Variants in SHQ1 observed in about 807,000 individuals in gnomAD.
The protein encoded by SHQ1 is protein SHQ1 homolog.
A neutral mutation model predicts 53.8 loss-of-function variants in SHQ1; 49 were observed. That is an observed-to-expected ratio of 0.91 (90% CI 0.72 to 1.16). The LOEUF is 1.16. Ranked by LOEUF, SHQ1 falls within the 50% of genes most tolerant of loss-of-function variation. The pLI is 0.00. For synonymous variants in SHQ1, 243 were observed against 251.0 expected, an observed-to-expected ratio of 0.97 and a Z score of 0.30; for missense variants, 738 against 683.1, an observed-to-expected ratio of 1.08 and a Z score of -0.90.
At chr3:72,752,290 C>G (rs1679357831) in intron 10 of SHQ1, among the ~76,000 whole-genome samples, 1 of 152,086 alleles carries the variant, frequency 6.6e-6, no homozygotes, top group Non-Finnish European at 1.5e-5. Flanking sequence ...TTGTATACTT[C>G]TTAATAAACT....
intron 10 of SHQ1, among the ~76,000 whole-genome samples, chr3:72,772,186 T>A (rs1705868912): frequency 6.8e-6 from 1 of 147,402 alleles, no homozygotes. Flanking sequence ...AAGCAAAATG[T>A]AACAAATATG....
chr3:72,848,241 C>T lies in SHQ1; in HGVS notation c.100G>A (p.Glu34Lys). The T allele has an allele frequency of 1.2e-6, 2 of 1,614,182 alleles. No individual in the cohort carries two copies. Among genetic ancestry groups the T allele is most frequent in the Non-Finnish European group, 1.7e-6 (2 of 1,180,030 alleles). The change falls in exon 1 of 11, where the codon GAG becomes AAG. Residue 34 changes from glutamate (E) to lysine (K), a missense_variant. By Grantham distance (56) the Glu-to-Lys change is moderately conservative. Transcript: ENST00000325599. ...GCGTAGAACTTGAAGTCAGACCCCT[C>T]GAAGTAGACGTCGAACTCGGAGACC... ...ARVSEFDVYFEGSDFKFYAKP... is the reference protein window; with the variant it reads ...ARVSEFDVYFKGSDFKFYAKP...
At chr3:72,842,148 T>C (rs545439548) in intron 3 of SHQ1, 132 bp downstream of exon 3, 1 of 948,562 alleles carries the variant, frequency 1.1e-6, no homozygotes, top group South Asian at 2.1e-5. Flanking sequence ...TTCATATGGT[T>C]TCACATGATC....
chr3:72,815,629 A>G (rs1033570763), intron 7 of SHQ1, among the ~76,000 whole-genome samples: 1 of 152,210 alleles, frequency 6.6e-6, no homozygotes, highest in Admixed American at 6.5e-5. Context: ...TTTTCTACTG[A>G]TAAGAGTACC....
chr3:72,847,206 C>A (rs1045111398), intron 1 of SHQ1, among the ~76,000 whole-genome samples: 1 of 152,056 alleles, frequency 6.6e-6, no homozygotes, highest in Non-Finnish European at 1.5e-5. Context: ...CAAATACGGA[C>A]GTTATATGGT....
Position 72,832,474 on chromosome 3 carries a change from A to G in SHQ1, c.494T>C (p.Leu165Pro). 6.2e-7 allele frequency: 1 copy of G among 1,606,112 alleles called. No homozygotes were observed. The highest frequency in any genetic ancestry group is 8.5e-7 in the Non-Finnish European group (1 of 1,176,284). The change falls in exon 5 of 11, where the codon CTG (leucine) becomes CCG (proline). Residue 165 changes from leucine (L) to proline (P), a missense_variant. By Grantham distance (98) the Leu-to-Pro change is moderately conservative. Coordinates refer to ENST00000325599, the MANE Select transcript of SHQ1 (RefSeq NM_018130.3). The part of the protein sequence containing the change: ...SGVLQRLQDE[L>P]SDVIDIKDPD... The stretch of plus-strand genomic sequence containing the variant: ...ATCCTTAATATCAATAACATCACTC[A>G]GTTCATCCTGAGGACACCCAGAAAA...
intron 9 of SHQ1, among the ~76,000 whole-genome samples, chr3:72,798,085 T>C (rs1283540881): frequency 6.6e-6 from 1 of 152,028 alleles, no homozygotes; most frequent in Non-Finnish European, 1.5e-5. Flanking sequence ...TCATACACGA[T>C]ATGGGCATAA....
rs1277810199 is a variant in SHQ1 at position 72,841,211 on chromosome 3, A to C, written c.332-12T>G. On this transcript the variant is annotated splice_polypyrimidine_tract_variant and intron_variant, in intron 3 of 10. Coordinates refer to ENST00000325599, the MANE Select transcript of SHQ1 (RefSeq NM_018130.3). ...AATCTCAGAAGCACCTGAATGTGTT[A>C]AATTTTAATTTTTTTTAAGTATTGG... 4.4e-6 allele frequency: 7 copies of C among 1,595,256 alleles called. No individual in the cohort carries two copies. Among genetic ancestry groups the C allele is most frequent in the Middle Eastern group, 1.7e-4 (1 of 5,988 alleles).
At chr3:72,785,499 T>C (rs1446652568) in intron 10 of SHQ1, among the ~76,000 whole-genome samples, 1 of 152,168 alleles carries the variant, frequency 6.6e-6, no homozygotes. Context: ...ACTGGCAGGC[T>C]CCGGCACACA....
intron 4 of SHQ1, among the ~76,000 whole-genome samples, chr3:72,836,034 T>A (rs1458596235): frequency 6.6e-6 from 1 of 152,258 alleles, no homozygotes. Context: ...TCCCCATCAC[T>A]GTGCCCGGTG....
At chr3:72,801,782 A>G (rs1036428472) in intron 9 of SHQ1, among the ~76,000 whole-genome samples, 1 of 152,258 alleles carries the variant, frequency 6.6e-6, no homozygotes, top group Admixed American at 6.5e-5. Context: ...ATCTCTACAT[A>G]TAAGTTTAAT....
Position 72,758,173 on chromosome 3 carries a change from T to C in SHQ1, c.1182-7337A>G, listed in dbSNP as rs76643485. Among the ~76,000 whole-genome samples the C allele has an allele frequency of 8.9e-3, 1,348 of 152,208 alleles. 24 individuals carry two copies. Among genetic ancestry groups the C allele is most frequent in the African/African-American group, 0.031 (1,295 of 41,524 alleles). ...TCTGAGAGCCGCCAAGAAAAACAAA[T>C]ACCAATGGATGCACAGAGGAACCTG... On this transcript the variant is annotated intron_variant, in intron 10 of 10. Coordinates refer to ENST00000325599, the MANE Select transcript of SHQ1 (RefSeq NM_018130.3).
Position 72,767,323 on chromosome 3 carries a change from G to A in SHQ1, c.1182-16487C>T, listed in dbSNP as rs138931952. ...CATGTGCAGACCCACTATGCACTAT[G>A]CTGTGCTGGCTCACGCTCTGAAGCA... On this transcript the variant is annotated intron_variant, in intron 10 of 10. Transcript: ENST00000325599. 4.8e-3 allele frequency among the ~76,000 whole-genome samples: 724 copies of A among 152,304 alleles called. 7 individuals carry two copies. Among genetic ancestry groups the A allele is most frequent in the African/African-American group, 0.016 (659 of 41,558 alleles).
intron 1 of SHQ1, 90 bp from the exon 2 acceptor site, chr3:72,844,513 T>C (rs965660779): frequency 6.4e-6 from 6 of 944,736 alleles, no homozygotes; most frequent in Admixed American, 1.8e-5. Flanking sequence ...ACCATCAAAA[T>C]ATATCAATCA....
At chr3:72,744,674 A>C (rs1186957531), downstream of SHQ1, among the ~76,000 whole-genome samples, 2 of 152,214 alleles carry the variant, frequency 1.3e-5, no homozygotes, top group African/African-American at 4.8e-5. Context: ...AATCAAGTCT[A>C]ATCAATGCTT....
chr3:72,736,445 G>GA, the SHQ1 span, among the ~76,000 whole-genome samples: 5 of 151,698 alleles, frequency 3.3e-5, no homozygotes, highest in Non-Finnish European at 7.4e-5. Context: ...TAACAAAAGA[G>GA]AAAAGACATC....
At chr3:72,775,946 C>A (rs1474167011) in intron 10 of SHQ1, among the ~76,000 whole-genome samples, 1 of 152,106 alleles carries the variant, frequency 6.6e-6, no homozygotes, top group East Asian at 1.9e-4. Context: ...ATGTTGAAAG[C>A]ATTTTCTTAA....
chr3:72,752,770 G>A (rs937268469), intron 10 of SHQ1, among the ~76,000 whole-genome samples: 10 of 151,576 alleles, frequency 6.6e-5, no homozygotes, highest in Admixed American at 2.0e-4. Context: ...CTCGTGATCT[G>A]CCAGCCTCGG....
At chr3:72,828,428 C>A (rs923221176) in intron 5 of SHQ1, among the ~76,000 whole-genome samples, 2 of 152,140 alleles carry the variant, frequency 1.3e-5, no homozygotes, top group Non-Finnish European at 2.9e-5. Flanking sequence ...GGCGTGGTGG[C>A]TCATGTCTGT....
Sources: gnomAD v4.1 joint callset for allele counts (sites outside exome capture counted in the v4.1 genomes callset) on GRCh38, gnomAD v4.1.1 for gene constraint, MANE v1.5 for transcripts, NCBI Gene and HGNC (gene_info 2026-07-23, HGNC 2026-07-21) for gene names.